Variants in RAPGEF4 observed in about 807,000 individuals in gnomAD.
RAPGEF4 encodes Rap guanine nucleotide exchange factor 4.
RAPGEF4 carries 66 observed loss-of-function variants against 147.9 expected under a neutral mutation model. That is an observed-to-expected ratio of 0.45 (90% CI 0.37 to 0.55). RAPGEF4 has a LOEUF of 0.55. RAPGEF4 is among the 20% of genes least tolerant of loss of function. The pLI is 0.00. For synonymous variants in RAPGEF4, 419 were observed against 442.7 expected, an observed-to-expected ratio of 0.95 and a Z score of 0.67; for missense variants, 1,071 against 1,257.3, an observed-to-expected ratio of 0.85 and a Z score of 2.24.
At chr2:172,763,724 G>T (rs1696563779) in intron 1 of RAPGEF4, among the ~76,000 whole-genome samples, 1 of 152,164 alleles carries the variant, frequency 6.6e-6, no homozygotes, top group African/African-American at 2.4e-5. Flanking sequence ...TCTCTGGCTA[G>T]ATAGTACAGG....
intron 1 of RAPGEF4, among the ~76,000 whole-genome samples, chr2:172,747,449 A>C (rs1574676837): frequency 6.6e-6 from 1 of 152,038 alleles, no homozygotes; most frequent in East Asian, 1.9e-4. Context: ...TCCTGAACGT[A>C]TTCATCTTTT....
chr2:172,884,044 T>C (rs1696915446), intron 4 of RAPGEF4, among the ~76,000 whole-genome samples: 1 of 152,214 alleles, frequency 6.6e-6, no homozygotes, highest in Admixed American at 6.5e-5. Flanking sequence ...ATTAGGCTTC[T>C]TCCGGTAACT....
intron 1 of RAPGEF4, among the ~76,000 whole-genome samples, chr2:172,790,259 T>C (rs11884979): frequency 0.37 from 56,159 of 152,094 alleles, 10,911 homozygotes; most frequent in Middle Eastern, 0.48. Context: ...TTTGGAGAAA[T>C]GTCTATTCAA....
intron 4 of RAPGEF4, among the ~76,000 whole-genome samples, chr2:172,864,634 C>T (rs560982806): frequency 1.3e-5 from 2 of 152,290 alleles, no homozygotes; most frequent in South Asian, 2.1e-4. Context: ...CCGGGCACAG[C>T]GGCTCACGCC....
At chr2:173,004,993 C>A (rs1378935014) in intron 17 of RAPGEF4, among the ~76,000 whole-genome samples, 2 of 151,812 alleles carry the variant, frequency 1.3e-5, no homozygotes, top group Non-Finnish European at 2.9e-5. Context: ...TACTGGGCAA[C>A]AAGGGGGCAA....
intron 4 of RAPGEF4, among the ~76,000 whole-genome samples, chr2:172,834,148 A>G (rs1258886460): frequency 2.0e-5 from 3 of 152,208 alleles, no homozygotes; most frequent in Non-Finnish European, 4.4e-5. Flanking sequence ...TCAATGGCTT[A>G]GCCATTGGCT....
chr2:172,931,643 A>T (rs1405845437), intron 6 of RAPGEF4, among the ~76,000 whole-genome samples: 2 of 152,200 alleles, frequency 1.3e-5, no homozygotes, highest in African/African-American at 4.8e-5. Flanking sequence ...AACCACAAAG[A>T]TGAACCGGAA....
intron 25 of RAPGEF4, 46 bp from the exon 26 acceptor site, chr2:173,030,118 A>C (rs1697045299): frequency 1.5e-6 from 2 of 1,337,222 alleles, no homozygotes; most frequent in Admixed American, 3.4e-5. Context: ...TTTTTATCTC[A>C]CACAGAAGTA....
At chr2:172,968,333 T>C (rs1690085544) in intron 10 of RAPGEF4, among the ~76,000 whole-genome samples, 1 of 152,186 alleles carries the variant, frequency 6.6e-6, no homozygotes, top group Non-Finnish European at 1.5e-5. Flanking sequence ...TGTATTAGTC[T>C]TGTATTAGAC....
intron 10 of RAPGEF4, among the ~76,000 whole-genome samples, chr2:172,969,271 A>G (rs1690206098): frequency 6.6e-6 from 1 of 152,268 alleles, no homozygotes; most frequent in African/African-American, 2.4e-5. Flanking sequence ...GTGCTAAGGC[A>G]TTAAGGTAAA....
intron 1 of RAPGEF4, among the ~76,000 whole-genome samples, chr2:172,737,597 ACT>A (rs1322797495): frequency 6.6e-6 from 1 of 151,434 alleles, no homozygotes; most frequent in Non-Finnish European, 1.5e-5. Context: ...GACATATTCG[ACT>A]CTCTCTTTTC....
At chr2:172,814,561 T>A in intron 4 of RAPGEF4, 136 bp downstream of exon 4, 10 of 1,147,184 alleles carry the variant, frequency 8.7e-6, no homozygotes, top group Non-Finnish European at 1.3e-5. Flanking sequence ...TTTCAAAACT[T>A]GTTTTTGAAA....
intron 4 of RAPGEF4, chr2:172,889,714 C>T (rs547437015): frequency 2.6e-6 from 1 of 387,376 alleles, no homozygotes; most frequent in African/African-American, 2.2e-5. Flanking sequence ...CTACCCACTG[C>T]ATCACTAATC....
intron 29 of RAPGEF4, among the ~76,000 whole-genome samples, chr2:173,041,014 A>G (rs1254144525): frequency 6.6e-6 from 1 of 152,174 alleles, no homozygotes; most frequent in East Asian, 1.9e-4. Context: ...ATATTTAGGT[A>G]TATTTATTTA....
intron 4 of RAPGEF4, among the ~76,000 whole-genome samples, chr2:172,839,889 G>T (rs1373105273): frequency 6.6e-6 from 1 of 152,202 alleles, no homozygotes; most frequent in Non-Finnish European, 1.5e-5. Context: ...ACTAATTCAA[G>T]AGGTAAGTCA....
At chr2:172,756,351 C>T (rs545583619) in intron 1 of RAPGEF4, among the ~76,000 whole-genome samples, 3 of 152,294 alleles carry the variant, frequency 2.0e-5, no homozygotes, top group South Asian at 2.1e-4. Context: ...CTAGCCTTTG[C>T]GCATCGCTTT....
intron 1 of RAPGEF4, among the ~76,000 whole-genome samples, chr2:172,776,885 T>G (rs1206989097): frequency 6.6e-6 from 1 of 152,222 alleles, no homozygotes; most frequent in Non-Finnish European, 1.5e-5. Flanking sequence ...GTTTTAAAGT[T>G]CTGGTTTGCT....
intron 17 of RAPGEF4, among the ~76,000 whole-genome samples, chr2:173,002,872 A>G (rs1054766920): frequency 2.6e-5 from 4 of 152,032 alleles, no homozygotes; most frequent in African/African-American, 9.7e-5. Context: ...TACATTATAT[A>G]TTTTTTCTGG....
intron 4 of RAPGEF4, among the ~76,000 whole-genome samples, chr2:172,837,917 T>G (rs529540512): frequency 6.6e-6 from 1 of 152,280 alleles, no homozygotes; most frequent in African/African-American, 2.4e-5. Flanking sequence ...TGGTGTAGTA[T>G]TCCATTCTCA....
Sources: gnomAD v4.1 joint callset for allele counts (sites outside exome capture counted in the v4.1 genomes callset) on GRCh38, gnomAD v4.1.1 for gene constraint, MANE v1.5 for transcripts, NCBI Gene and HGNC (gene_info 2026-07-23, HGNC 2026-07-21) for gene names.